Variants in DCLK2 observed in about 807,000 individuals in gnomAD.
DCLK2 encodes the protein doublecortin like kinase 2, also known as serine/threonine-protein kinase DCLK2.
In DCLK2, 31 loss-of-function variants were observed where a neutral mutation model predicts 78.4. That is an observed-to-expected ratio of 0.40 (90% CI 0.30 to 0.53). The LOEUF (loss-of-function observed/expected upper bound fraction) is 0.53, where lower values mean the gene tolerates loss of function less well. Ranked by LOEUF, DCLK2 falls within the 20% of genes least tolerant of loss-of-function variation. DCLK2 has a pLI of 0.61. For missense variants in DCLK2, 872 were observed against 973.7 expected (o/e 0.90, Z 1.39); for synonymous variants, 407 against 374.9 (o/e 1.09, Z -0.99).
chr4:150,228,519 AG>A (rs1200564010), intron 8 of DCLK2, among the ~76,000 whole-genome samples: 1 of 152,204 alleles, frequency 6.6e-6, no homozygotes, highest in African/African-American at 2.4e-5. Flanking sequence ...AACCTCCACA[AG>A]CTCTCAGTTC....
Position 150,248,560 on chromosome 4 carries a change from C to G in DCLK2, c.1956+175C>G, listed in dbSNP as rs370913108. On this transcript the variant is annotated intron_variant, in intron 14 of 15. Coordinates refer to ENST00000296550, the MANE Select transcript of DCLK2 (RefSeq NM_001040260.4). The stretch of plus-strand genomic sequence containing the variant: ...TGGCTCCCCAAGAAAGCAGTTGGCA[C>G]TAGGGTCCCAGTCTTAGACCCTGCC... 6.1e-4 allele frequency among the ~76,000 whole-genome samples: 93 copies of G among 152,350 alleles called. 2 individuals are homozygous for G. In the South Asian group the frequency reaches 0.019, roughly 32 times the overall value.
chr4:150,198,547 T>C (rs1739229274), intron 4 of DCLK2, among the ~76,000 whole-genome samples: 1 of 152,206 alleles, frequency 6.6e-6, no homozygotes, highest in Non-Finnish European at 1.5e-5. Flanking sequence ...AAATGATACA[T>C]TCATAGCAGT....
intron 15 of DCLK2, 48 bp downstream of exon 15, chr4:150,249,732 A>C: frequency 6.6e-7 from 1 of 1,508,078 alleles, no homozygotes; most frequent in Non-Finnish European, 9.2e-7. Context: ...CCGGCCTTGA[A>C]GTTTTTGAAT....
intron 12 of DCLK2, among the ~76,000 whole-genome samples, chr4:150,245,216 G>A (rs577910815): frequency 4.6e-4 from 70 of 152,244 alleles, no homozygotes; most frequent in African/African-American, 1.5e-3. Flanking sequence ...ACTAAGAAAC[G>A]CGTGTGCATT....
At chr4:150,246,787 C>A (rs1249670845) in intron 12 of DCLK2, among the ~76,000 whole-genome samples, 2 of 152,138 alleles carry the variant, frequency 1.3e-5, no homozygotes, top group African/African-American at 4.8e-5. Context: ...AGCCTGTATT[C>A]ATCAGGCACT....
chr4:150,246,212 T>G (rs561646716), intron 12 of DCLK2, among the ~76,000 whole-genome samples: 1 of 152,128 alleles, frequency 6.6e-6, no homozygotes, highest in Admixed American at 6.5e-5. Context: ...GCCTGGCTGA[T>G]TTTTTTGTAT....
At chr4:150,231,280 T>G (rs1032469345) in intron 8 of DCLK2, among the ~76,000 whole-genome samples, 2 of 152,242 alleles carry the variant, frequency 1.3e-5, no homozygotes, top group African/African-American at 4.8e-5. Flanking sequence ...TTTCTTTCTT[T>G]CCCATACTTC....
chr4:150,182,856 T>C (rs940706048), intron 2 of DCLK2, among the ~76,000 whole-genome samples: 4 of 152,184 alleles, frequency 2.6e-5, no homozygotes, highest in African/African-American at 4.8e-5. Context: ...AGAAGCAATG[T>C]AGAAATATTT....
intron 2 of DCLK2, among the ~76,000 whole-genome samples, chr4:150,160,517 A>G (rs915480036): frequency 5.3e-5 from 8 of 152,216 alleles, no homozygotes; most frequent in East Asian, 1.9e-4. Flanking sequence ...TAAAAACCCA[A>G]AACTCAAGGA....
intron 5 of DCLK2, among the ~76,000 whole-genome samples, chr4:150,211,404 T>C (rs984353214): frequency 3.3e-5 from 5 of 152,098 alleles, no homozygotes; most frequent in Non-Finnish European, 5.9e-5. Context: ...CCATAATATC[T>C]TGGTGGTCAC....
At chr4:150,163,824 T>A (rs899642673) in intron 2 of DCLK2, among the ~76,000 whole-genome samples, 2 of 152,250 alleles carry the variant, frequency 1.3e-5, no homozygotes, top group Admixed American at 6.5e-5. Flanking sequence ...AATGAATGAT[T>A]ATGATTGAGA....
chr4:150,252,369 A>G (rs1488359381), intron 15 of DCLK2, among the ~76,000 whole-genome samples: 1 of 152,250 alleles, frequency 6.6e-6, no homozygotes, highest in Non-Finnish European at 1.5e-5. Flanking sequence ...AACCATGTTA[A>G]GTCTTCTGAG....
chr4:150,179,014 AAT>A (rs1481810445), intron 2 of DCLK2, among the ~76,000 whole-genome samples: 1 of 152,166 alleles, frequency 6.6e-6, no homozygotes, highest in Admixed American at 6.5e-5. Flanking sequence ...AAGAAATAAA[AAT>A]AGTCAAGATT....
chr4:150,085,363 G>T lies in DCLK2; in HGVS notation c.421+5915G>T, dbSNP rs529122278. Reference sequence around the variant, plus strand: ...CTAGAAGCTAGAAAGTCCAAGGCACGGCACTGGCATCTGTTGAGGGTCATC... The same window carrying T: ...CTAGAAGCTAGAAAGTCCAAGGCACTGCACTGGCATCTGTTGAGGGTCATC... On this transcript the variant is annotated intron_variant, in intron 1 of 15. Transcript: ENST00000296550. Among the ~76,000 whole-genome samples the T allele has an allele frequency of 2.0e-5, 3 of 152,146 alleles. No homozygotes were observed. The East Asian group carries it at 5.8e-4, about 29-fold the overall frequency.
intron 12 of DCLK2, among the ~76,000 whole-genome samples, chr4:150,244,992 G>T (rs549131027): frequency 6.6e-6 from 1 of 151,142 alleles, no homozygotes; most frequent in South Asian, 2.1e-4. Context: ...GAGTTGAGTG[G>T]AATAATAGGT....
At chr4:150,083,755 A>G (rs1324131591) in intron 1 of DCLK2, among the ~76,000 whole-genome samples, 1 of 152,212 alleles carries the variant, frequency 6.6e-6, no homozygotes, top group East Asian at 1.9e-4. Flanking sequence ...TGGAAAGTTA[A>G]TATTGAATTT....
At chr4:150,098,443 A>G (rs1730620147) in intron 1 of DCLK2, among the ~76,000 whole-genome samples, 1 of 152,248 alleles carries the variant, frequency 6.6e-6, no homozygotes, top group African/African-American at 2.4e-5. Context: ...GAGTCAGCCC[A>G]GTTCTGGGAC....
intron 4 of DCLK2, chr4:150,198,941 G>T (rs1261883738): frequency 6.7e-6 from 6 of 889,592 alleles, no homozygotes; most frequent in African/African-American, 1.7e-5. Context: ...AGGGCAGGTC[G>T]TTTTACCCTT....
In DCLK2 at chr4:150,102,802, A is replaced by T; in HGVS notation, c.746A>T (p.Asp249Val). The T allele has an allele frequency of 6.2e-7, 1 of 1,602,938 alleles. No homozygotes were observed. Among genetic ancestry groups the T allele is most frequent in the Non-Finnish European group, 8.5e-7 (1 of 1,174,712 alleles). The change falls in exon 2 of 16, where the codon GAT becomes GTT. Residue 249 changes from aspartate to valine, a missense_variant. Coordinates refer to ENST00000296550, the MANE Select transcript of DCLK2 (RefSeq NM_001040260.4). ...SGVVKRLCTL[D>V]GKQVTCLQDF... ...GTCGTCAAGAGGCTCTGCACCCTGG[A>T]TGGAAAGCAGGTAAGATGCTTCTAG...
Sources: allele counts gnomAD v4.1 joint callset (sites outside exome capture counted in the v4.1 genomes callset), GRCh38; gene constraint gnomAD v4.1.1; transcripts MANE v1.5; gene names NCBI Gene and HGNC (gene_info 2026-07-23, HGNC 2026-07-21).